CLU: variants seen among roughly 807,000 people sequenced by gnomAD.
CLU encodes aging-associated protein 4.
CLU carries 25 observed loss-of-function variants against 46.4 expected under a neutral mutation model. The observed-to-expected ratio is 0.54, with a 90% CI of 0.39 to 0.75. The LOEUF is 0.75. Ranked by LOEUF, CLU falls within the 30% of genes least tolerant of loss-of-function variation. The pLI, the probability that CLU is intolerant of heterozygous loss-of-function variation, is 0.00. For synonymous variants in CLU, 235 were observed against 235.1 expected (o/e 1.00, Z 0.00); for missense variants, 504 against 592.1 (o/e 0.85, Z 1.54).
rs1269799789 is a variant in CLU, at chr8:27,610,514, C to G, written c.58G>C (p.Val20Leu). ...GLLLTWESGQ[V>L]LGDQTVSDNE... ...TCTGAGACCGTCTGGTCCCCCAGGACCTGCCCACTCTCCCAGGTCAGCAGC... is the reference window on the plus strand; with the variant it reads ...TCTGAGACCGTCTGGTCCCCCAGGAGCTGCCCACTCTCCCAGGTCAGCAGC... Residue 20 changes from valine to leucine, a missense_variant, in exon 2 of 9, where the codon GTC becomes CTC. By Grantham distance (32) the Val-to-Leu change is conservative (BLOSUM62 1). Transcript: ENST00000316403. 3.7e-6 allele frequency: 6 copies of G among 1,614,232 alleles called. No homozygotes were observed. The highest frequency in any genetic ancestry group is 1.7e-5 in the Admixed American group (1 of 60,030).
At position 27,604,944 on chromosome 8, in the gene CLU, G is replaced by A. The variant is rs149705964; in HGVS notation, c.809C>T (p.Pro270Leu). ...CTCACCTCGTATGAATTCTGTTGGC[G>A]GGTGCTGGAAGGCCGGGCTATGGAA... is the stretch of plus-strand genomic sequence containing the variant. ...IHFHSPAFQHPPTEFIREGDD... is the reference protein window; with the variant it reads ...IHFHSPAFQHLPTEFIREGDD... Residue 270 changes from proline (P) to leucine (L), a missense_variant, in exon 5 of 9, where the codon CCG becomes CTG. By Grantham distance (98) the Pro-to-Leu change is moderately conservative. Transcript: ENST00000316403. 1.1e-3 allele frequency: 1,828 copies of A among 1,614,144 alleles called. 3 individuals are homozygous for A. The highest frequency in any genetic ancestry group is 1.4e-3 in the Non-Finnish European group (1,705 of 1,180,032).
chr8:27,601,794 A>C (rs1251743415), intron 6 of CLU, among the ~76,000 whole-genome samples: 3 of 150,968 alleles, frequency 2.0e-5, no homozygotes, highest in African/African-American at 7.4e-5. Context: ...TTATTTTACC[A>C]AAAAAAAATT....
chr8:27,608,248 G>C (rs986180988), intron 3 of CLU, among the ~76,000 whole-genome samples: 1 of 152,204 alleles, frequency 6.6e-6, no homozygotes, highest in African/African-American at 2.4e-5. Flanking sequence ...GTTTCATGGA[G>C]TTACACAGGT....
In CLU at chr8:27,608,834, A is replaced by G. The variant is rs571779970; in HGVS notation, c.246+104T>C. 2.2e-5 allele frequency: 26 copies of G among 1,187,842 alleles called. No homozygotes were observed. The South Asian group carries it at 2.8e-4, about 13-fold the overall frequency. 73.6% of individuals were successfully genotyped at this position (1,187,842 alleles called of 1,614,324 possible). A position where few individuals can be genotyped will look rare whatever the true frequency, so the allele number is the denominator to read the frequency against. ...GCATCAGCTGACACAGCCTGGGAGGACTGCGGGTCACCATGGCAACCCAGC... is the reference window on the plus strand; with the variant it reads ...GCATCAGCTGACACAGCCTGGGAGGGCTGCGGGTCACCATGGCAACCCAGC... On this transcript the variant is annotated intron_variant, in intron 3 of 8. Transcript: ENST00000316403.
rs2132850311 is a variant in CLU at position 27,599,053 on chromosome 8, T to C, written c.1165-418A>G. 6.6e-6 allele frequency: 1 copy of C among 152,668 alleles called. No individual in the cohort carries two copies. The highest frequency in any genetic ancestry group is 2.1e-4 in the South Asian group (1 of 4,830). The allele number at this position is 152,668 out of a possible 1,614,324, so 9.5% of individuals were successfully genotyped here. A position where few individuals can be genotyped will look rare whatever the true frequency, so the allele number is the denominator to read the frequency against. Reference sequence around the variant, plus strand: ...TAACTTTATTTTATTATTTTATATATATATATTTTTTAAGAGACAGAGTCT... The same window carrying C: ...TAACTTTATTTTATTATTTTATATACATATATTTTTTAAGAGACAGAGTCT... On this transcript the variant is annotated intron_variant, in intron 7 of 8. Coordinates refer to ENST00000316403, the MANE Select transcript of CLU (RefSeq NM_001831.4). This position sits in a 1 kb window ranked among gnomAD's most constrained non-coding sequence, Gnocchi z 4.0.
Position 27,604,948 on chromosome 8 carries a change from G to T in CLU, c.805C>A (p.His269Asn). 6.2e-7 allele frequency: 1 copy of T among 1,614,196 alleles called. No individual in the cohort carries two copies. The highest frequency in any genetic ancestry group is 8.5e-7 in the Non-Finnish European group (1 of 1,180,028). Residue 269 changes from histidine to asparagine, a missense_variant, in exon 5 of 9, where the codon CAC becomes AAC. Coordinates refer to ENST00000316403, the MANE Select transcript of CLU (RefSeq NM_001831.4). Reference sequence around the variant, plus strand: ...CCTCGTATGAATTCTGTTGGCGGGTGCTGGAAGGCCGGGCTATGGAAGTGG... The same window carrying T: ...CCTCGTATGAATTCTGTTGGCGGGTTCTGGAAGGCCGGGCTATGGAAGTGG... ...DIHFHSPAFQ[H>N]PPTEFIREGD...
chr8:27,608,694 A>T (rs1800864656), intron 3 of CLU: 1 of 596,276 alleles, frequency 1.7e-6, no homozygotes, highest in Non-Finnish European at 3.0e-6. Flanking sequence ...ATCTATTGAA[A>T]TGAATCTGGG....
intron 7 of CLU, chr8:27,598,931 C>G (rs1800667454): frequency 9.0e-5 from 37 of 412,554 alleles, no homozygotes; most frequent in South Asian, 8.9e-4. Context: ...AGCCCTTGGT[C>G]AGAGTAGGGT....
intron 3 of CLU, 63 bp from the exon 4 acceptor site, chr8:27,606,587 C>G: frequency 6.3e-7 from 1 of 1,597,846 alleles, no homozygotes; most frequent in Non-Finnish European, 8.6e-7. Context: ...ACTCAAAGAG[C>G]TGCTGGGTGC....
At position 27,604,976 on chromosome 8, in the gene CLU, G is replaced by T; in HGVS notation, c.777C>A (p.Asp259Glu). The change falls in exon 5 of 9, where the codon GAC (aspartate) becomes GAA (glutamate). Residue 259 changes from aspartate (D) to glutamate (E), a missense_variant. Coordinates refer to ENST00000316403, the MANE Select transcript of CLU (RefSeq NM_001831.4). ...GGAAGGCCGGGCTATGGAAGTGGAT[G>T]TCCATGGCCTGCTGAGCCTCGTGTA... ...EMIHEAQQAM[D>E]IHFHSPAFQH... 4 of 1,614,132 alleles carry T rather than the reference G, an allele frequency of 2.5e-6. No homozygotes were observed. Among genetic ancestry groups the T allele is most frequent in the Non-Finnish European group, 3.4e-6 (4 of 1,180,016 alleles).
chr8:27,611,810 G>T (rs1303446363), intron 1 of CLU: 5 of 454,586 alleles, frequency 1.1e-5, no homozygotes, highest in Non-Finnish European at 2.2e-5. Context: ...GATGGGGTAG[G>T]GGGCGGAGAC....
At chr8:27,604,247 C>A in intron 6 of CLU, 44 bp downstream of exon 6, 1 of 1,500,574 alleles carries the variant, frequency 6.7e-7, no homozygotes, top group Non-Finnish European at 9.2e-7. Flanking sequence ...CCCCAGGACA[C>A]AAGGGATCAG....
chr8:27,607,727 T>A (rs1282249607), intron 3 of CLU, among the ~76,000 whole-genome samples: 4 of 146,450 alleles, frequency 2.7e-5, no homozygotes, highest in Non-Finnish European at 6.0e-5. Flanking sequence ...AAAGTCTCTA[T>A]GAATGAGTGT....
In CLU at chr8:27,598,016, A is replaced by G. The variant is rs1424056139; in HGVS notation, c.*225T>C. 3 of 693,408 alleles carry G rather than the reference A, an allele frequency of 4.3e-6. No homozygotes were observed. The highest frequency in any genetic ancestry group is 3.0e-5 in the South Asian group (2 of 66,576). 43.0% of individuals were successfully genotyped at this position (693,408 alleles called of 1,614,324 possible). A position where few individuals can be genotyped will look rare whatever the true frequency, so the allele number is the denominator to read the frequency against. ...AGCGATCAGCTCACAAGACAGTTTTATTGAATTAGTTGCATGCAGGAGCAA... is the reference window on the plus strand; with the variant it reads ...AGCGATCAGCTCACAAGACAGTTTTGTTGAATTAGTTGCATGCAGGAGCAA... On this transcript the variant is annotated 3_prime_UTR_variant, in exon 9 of 9. Coordinates refer to ENST00000316403, the MANE Select transcript of CLU (RefSeq NM_001831.4).
At chr8:27,614,587 C>A in intron 1 of CLU, 68 bp downstream of exon 1, 1 of 455,248 alleles carries the variant, frequency 2.2e-6, no homozygotes, top group Non-Finnish European at 4.6e-6. Context: ...GCCTGGCTGC[C>A]ATCCCCTGCC....
chr8:27,605,053 G>A lies in CLU; in HGVS notation c.700C>T (p.Pro234Ser). Residue 234 changes from proline (P) to serine (S), a missense_variant, in exon 5 of 9, where the codon CCG becomes TCG. Around this residue, in one of 3 missense-constraint regions of CLU, gnomAD observed 428 missense variants for 484.0 expected, o/e 0.88. Coordinates refer to ENST00000316403, the MANE Select transcript of CLU (RefSeq NM_001831.4). ...RIVRSLMPFS[P>S]YEPLNFHAMF... ...GCGTGGAAGTTCAGGGGCTCGTACGGAGAGAAGGGCATCAAGCTGCGGACG... is the reference window on the plus strand; with the variant it reads ...GCGTGGAAGTTCAGGGGCTCGTACGAAGAGAAGGGCATCAAGCTGCGGACG... 6.2e-7 allele frequency: 1 copy of A among 1,614,114 alleles called. No homozygotes were observed. Among genetic ancestry groups the A allele is most frequent in the South Asian group, 1.1e-5 (1 of 91,070 alleles).
At position 27,599,745 on chromosome 8, in the gene CLU, C is replaced by A; in HGVS notation, c.1164+35G>T. 6.6e-7 allele frequency: 1 copy of A among 1,508,808 alleles called. No individual in the cohort carries two copies. Among genetic ancestry groups the A allele is most frequent in the African/African-American group, 1.4e-5 (1 of 72,550 alleles). 93.5% of individuals were successfully genotyped at this position (1,508,808 alleles called of 1,614,324 possible). The stretch of plus-strand genomic sequence containing the variant: ...CCTGCTCCCGATCACAGCTCGGGCT[C>A]CCGAGCCACAGCATGTGGCCGGGAC... On this transcript the variant is annotated intron_variant, in intron 7 of 8. Coordinates refer to ENST00000316403, the MANE Select transcript of CLU (RefSeq NM_001831.4). The surrounding 1 kb of genome is among the most constrained non-coding windows in gnomAD (Gnocchi z 4.0).
intron 6 of CLU, among the ~76,000 whole-genome samples, chr8:27,601,425 C>T (rs188099348): frequency 1.3e-5 from 2 of 152,340 alleles, no homozygotes; most frequent in East Asian, 1.9e-4. Context: ...TGCACTGGCA[C>T]CTGGTGGCCA....
At chr8:27,603,370 G>A (rs9331927) in intron 6 of CLU, among the ~76,000 whole-genome samples, 1 of 152,222 alleles carries the variant, frequency 6.6e-6, no homozygotes, top group African/African-American at 2.4e-5. Flanking sequence ...TAGGAGTGAG[G>A]CTAGGAATGT....
Sources: gnomAD v4.1 joint callset for allele counts (sites outside exome capture counted in the v4.1 genomes callset) on GRCh38, gnomAD v4.1.1 for gene constraint, gnomAD v4.1.1 regional missense constraint, Gnocchi (gnomAD v3.1) non-coding constraint, MANE v1.5 for transcripts, NCBI Gene and HGNC (gene_info 2026-07-23, HGNC 2026-07-21) for gene names.